Variants in PIK3CB observed in about 807,000 individuals in gnomAD.
PIK3CB encodes the protein phosphatidylinositol-4,5-bisphosphate 3-kinase catalytic subunit beta.
PIK3CB carries 39 observed loss-of-function variants against 136.8 expected under a neutral mutation model. That is an observed-to-expected ratio of 0.29 (90% CI 0.22 to 0.37). The LOEUF (loss-of-function observed/expected upper bound fraction) is 0.37. PIK3CB is among the 10% of genes least tolerant of loss of function. PIK3CB has a pLI of 1.00. For synonymous variants in PIK3CB, 428 were observed against 436.6 expected (o/e 0.98, Z 0.25); for missense variants, 868 against 1,275.4 (o/e 0.68, Z 4.87).
intron 2 of PIK3CB, among the ~76,000 whole-genome samples, chr3:138,784,618 A>C (rs994584193): frequency 2.0e-5 from 3 of 151,996 alleles, no homozygotes; most frequent in African/African-American, 7.3e-5. Context: ...TTTGGTGGAG[A>C]CGGGGTTTCG....
rs114984380 is a variant in PIK3CB, at chr3:138,806,583, T to C, written c.-121-10016A>G. ...AAGAGTGACATAGTTGTATGGACAA[T>C]GCTAGAACTGAAGAGAGGAAGCTCT... is the stretch of plus-strand genomic sequence containing the variant. On this transcript the variant is annotated intron_variant, in intron 1 of 23. Coordinates refer to ENST00000674063, the MANE Select transcript of PIK3CB (RefSeq NM_006219.3). 2.0e-5 allele frequency among the ~76,000 whole-genome samples: 3 copies of C among 152,206 alleles called. No homozygotes were observed. The East Asian group carries it at 5.8e-4, about 29-fold the overall frequency.
At chr3:138,689,296 A>G (rs1160066316) in intron 15 of PIK3CB, among the ~76,000 whole-genome samples, 3 of 152,214 alleles carry the variant, frequency 2.0e-5, no homozygotes, top group East Asian at 3.8e-4. Flanking sequence ...TGCACAAAAA[A>G]TGAGTCCTGG....
intron 1 of PIK3CB, among the ~76,000 whole-genome samples, chr3:138,833,964 C>A (rs1934157791): frequency 6.6e-6 from 1 of 152,148 alleles, no homozygotes; most frequent in African/African-American, 2.4e-5. Flanking sequence ...TTGGCCACTG[C>A]GAGGTTAACA....
chr3:138,790,912 G>A (rs992064084), intron 2 of PIK3CB, among the ~76,000 whole-genome samples: 12 of 150,292 alleles, frequency 8.0e-5, no homozygotes, highest in African/African-American at 1.5e-4. Flanking sequence ...GCAGCAAGCC[G>A]AGATCACACC....
At chr3:138,658,661 T>C (rs1175101581) in intron 21 of PIK3CB, among the ~76,000 whole-genome samples, 1 of 152,254 alleles carries the variant, frequency 6.6e-6, no homozygotes, top group East Asian at 1.9e-4. Flanking sequence ...AGTACTTTTA[T>C]GCTAACATAA....
intron 2 of PIK3CB, among the ~76,000 whole-genome samples, chr3:138,779,525 G>T (rs572147893): frequency 6.6e-5 from 10 of 150,484 alleles, no homozygotes; most frequent in Non-Finnish European, 1.2e-4. Context: ...CCGAGTAGTT[G>T]GGACCACAGG....
At chr3:138,727,879 T>TG (rs976161384) in intron 8 of PIK3CB, among the ~76,000 whole-genome samples, 1 of 152,168 alleles carries the variant, frequency 6.6e-6, no homozygotes, top group African/African-American at 2.4e-5. Flanking sequence ...TTTTTTGAGA[T>TG]GGAGTTTCGC....
intron 4 of PIK3CB, among the ~76,000 whole-genome samples, chr3:138,749,758 T>C (rs2045431773): frequency 6.6e-6 from 1 of 152,214 alleles, no homozygotes; most frequent in Middle Eastern, 3.2e-3. Flanking sequence ...ATACATCTTC[T>C]AAGAGGTCAT....
intron 2 of PIK3CB, among the ~76,000 whole-genome samples, chr3:138,780,415 T>C (rs565315488): frequency 6.6e-6 from 1 of 151,880 alleles, no homozygotes; most frequent in South Asian, 2.1e-4. Context: ...GGATTACAGG[T>C]GTGTACCACC....
intron 8 of PIK3CB, 32 bp from the exon 9 acceptor site, chr3:138,714,751 G>A: frequency 1.3e-6 from 2 of 1,551,840 alleles, no homozygotes; most frequent in Non-Finnish European, 1.7e-6. Context: ...CAAAAACAAA[G>A]TCATGAATAC....
At chr3:138,727,099 T>C (rs2044855905) in intron 8 of PIK3CB, among the ~76,000 whole-genome samples, 1 of 151,808 alleles carries the variant, frequency 6.6e-6, no homozygotes, top group Admixed American at 6.6e-5. Context: ...GAAAGATTGA[T>C]CAGGAAGCTA....
intron 1 of PIK3CB, among the ~76,000 whole-genome samples, chr3:138,801,904 G>T (rs1481993892): frequency 6.6e-6 from 1 of 150,938 alleles, no homozygotes; most frequent in African/African-American, 2.4e-5. Context: ...AAATTAGCTG[G>T]GTGTGTTGGT....
rs2108380180 is a variant in PIK3CB, at chr3:138,655,303, T to C, written c.*86A>G. On this transcript the variant is annotated 3_prime_UTR_variant, in exon 24 of 24. Transcript: ENST00000674063. The stretch of plus-strand genomic sequence containing the variant: ...AGGATTTCATTCCCTTTATAACATC[T>C]CTAACAGGGTCATGTTCAATTTAGT... The C allele has an allele frequency of 7.5e-7, 1 of 1,326,614 alleles. No individual in the cohort carries two copies. Among genetic ancestry groups the C allele is most frequent in the South Asian group, 1.3e-5 (1 of 79,882 alleles). 82.2% of individuals were successfully genotyped at this position (1,326,614 alleles called of 1,614,324 possible). A position where few individuals can be genotyped will look rare whatever the true frequency, so the allele number is the denominator to read the frequency against.
intron 2 of PIK3CB, among the ~76,000 whole-genome samples, chr3:138,780,416 GTGTA>G: frequency 6.6e-6 from 1 of 152,128 alleles, no homozygotes; most frequent in South Asian, 2.1e-4. Flanking sequence ...GATTACAGGT[GTGTA>G]CCACCATGCC....
intron 8 of PIK3CB, among the ~76,000 whole-genome samples, chr3:138,717,183 G>A (rs933239285): frequency 6.6e-6 from 1 of 151,398 alleles, no homozygotes; most frequent in African/African-American, 2.4e-5. Flanking sequence ...GAACCCAGGA[G>A]GCAGAGGTTG....
intron 22 of PIK3CB, among the ~76,000 whole-genome samples, chr3:138,656,894 A>T (rs2043201097): frequency 6.6e-6 from 1 of 151,988 alleles, no homozygotes; most frequent in African/African-American, 2.4e-5. Context: ...CAGCCTCCTG[A>T]GTAGCTGAGA....
intron 8 of PIK3CB, among the ~76,000 whole-genome samples, chr3:138,733,063 CTATATTA>C (rs1461521698): frequency 6.6e-6 from 1 of 150,434 alleles, no homozygotes; most frequent in South Asian, 2.1e-4. Flanking sequence ...TCTTACCCAT[CTATATTA>C]TATATTTCTT....
intron 14 of PIK3CB, among the ~76,000 whole-genome samples, chr3:138,693,049 G>A (rs946084386): frequency 2.6e-5 from 4 of 152,136 alleles, no homozygotes; most frequent in African/African-American, 9.7e-5. Flanking sequence ...CATAATGGGA[G>A]AGACTAACCT....
intron 1 of PIK3CB, among the ~76,000 whole-genome samples, chr3:138,810,586 C>G (rs967335099): frequency 1.3e-5 from 2 of 151,612 alleles, no homozygotes; most frequent in Non-Finnish European, 2.9e-5. Context: ...TGCAAAACAA[C>G]TGACCAGTAT....
Sources: gnomAD v4.1 joint callset for allele counts (sites outside exome capture counted in the v4.1 genomes callset) on GRCh38, gnomAD v4.1.1 for gene constraint, MANE v1.5 for transcripts, NCBI Gene and HGNC (gene_info 2026-07-23, HGNC 2026-07-21) for gene names.